Variants in SYTL4 observed in about 807,000 individuals in gnomAD.
SYTL4 encodes synaptotagmin like 4.
Under a neutral mutation model 52.7 loss-of-function variants are expected in SYTL4, and 16 were observed. The ratio of observed to expected loss-of-function variants is 0.30; its 90% CI spans 0.21 to 0.46. SYTL4 has a LOEUF of 0.46. Ranked by LOEUF, SYTL4 falls within the 20% of genes least tolerant of loss-of-function variation. The pLI is 1.00. For synonymous variants in SYTL4, 160 were observed against 186.6 expected (o/e 0.86, Z 1.16); for missense variants, 423 against 519.9 (o/e 0.81, Z 1.81).
chrX:100,707,528 T>A (rs1238685129), intron 2 of SYTL4, among the ~76,000 whole-genome samples: 1 of 111,851 alleles, frequency 8.9e-6, no homozygotes, highest in Non-Finnish European at 1.9e-5. Flanking sequence ...AGCTTTCATA[T>A]GCAATAAACC....
At position 100,703,601 on chromosome X, in the gene SYTL4, T is replaced by C. The variant is rs149944532; in HGVS notation, c.-163-416A>G. 7.6e-3 allele frequency among the ~76,000 whole-genome samples: 853 copies of C among 112,439 alleles called. 12 individuals carry two copies. Among genetic ancestry groups the C allele is most frequent in the African/African-American group, 0.026 (808 of 31,004 alleles). On this transcript the variant is annotated intron_variant, in intron 3 of 19. Coordinates refer to ENST00000372989, the MANE Select transcript of SYTL4 (RefSeq NM_001370165.1). ...CATATACTTAACCAAGCAATATGAC[T>C]TCTAAGAATTTACCTAATAGAAATA...
intron 2 of SYTL4, among the ~76,000 whole-genome samples, chrX:100,712,214 C>G (rs2084086468): frequency 8.9e-6 from 1 of 112,064 alleles, no homozygotes; most frequent in African/African-American, 3.2e-5. Flanking sequence ...ATACAGAGCA[C>G]ATGCAATGGT....
rs981407606 is a variant in SYTL4 at position 100,732,098 on chromosome X, C to G, written c.-422G>C. ...CTCCGGGAAGATCGCAACCCAGCTC[C>G]GGCAGCCGGCCCTTCTCACCCTCCC... On this transcript the variant is annotated 5_prime_UTR_variant, in exon 1 of 20. Coordinates refer to ENST00000372989, the MANE Select transcript of SYTL4 (RefSeq NM_001370165.1). 1 of 112,168 alleles carries G rather than the reference C, an allele frequency of 8.9e-6. No homozygotes were observed. The highest frequency in any genetic ancestry group is 2.8e-4 in the East Asian group (1 of 3,517). 9.2% of individuals were successfully genotyped at this position (112,168 alleles called of 1,213,427 possible). A position where few individuals can be genotyped will look rare whatever the true frequency, so the allele number is the denominator to read the frequency against.
At chrX:100,717,372 A>G (rs1243596193) in intron 2 of SYTL4, among the ~76,000 whole-genome samples, 2 of 113,181 alleles carry the variant, frequency 1.8e-5, no homozygotes, top group African/African-American at 6.4e-5. Context: ...CAGCAGTAGC[A>G]CATGAACTGA....
chrX:100,701,363 A>G, intron 6 of SYTL4, 34 bp from the exon 7 acceptor site: 6 of 1,177,686 alleles, frequency 5.1e-6, no homozygotes, highest in Non-Finnish European at 6.9e-6. Flanking sequence ...ACAGATGGAT[A>G]AAGAATGGTT....
Position 100,691,118 on chromosome X carries a change from T to A in SYTL4, c.631A>T (p.Ser211Cys). 2 of 1,202,918 alleles carry A rather than the reference T, an allele frequency of 1.7e-6. No individual in the cohort carries two copies. Among genetic ancestry groups the A allele is most frequent in the Non-Finnish European group, 1.1e-6 (1 of 889,452 alleles). The change falls in exon 9 of 20, where the codon AGC (serine) becomes TGC (cysteine). Residue 211 changes from serine to cysteine, a missense_variant. By Grantham distance (112) the Ser-to-Cys change is moderately radical (BLOSUM62 -1). Transcript: ENST00000372989. The part of the protein sequence containing the change: ...SLDSFTADSD[S>C]TSRRDSLDKS... Reference sequence around the variant, plus strand: ...TGGGGGGAACCCCACCTGGAGGTGCTATCCGAGTCAGCTGTGAAGCTATCC... The same window carrying A: ...TGGGGGGAACCCCACCTGGAGGTGCAATCCGAGTCAGCTGTGAAGCTATCC...
chrX:100,715,246 C>A (rs1388102486), intron 2 of SYTL4, among the ~76,000 whole-genome samples: 1 of 111,836 alleles, frequency 8.9e-6, no homozygotes, highest in South Asian at 3.8e-4. Flanking sequence ...TGGTCTCGAA[C>A]TCTTAGACTC....
intron 5 of SYTL4, 52 bp from the exon 6 acceptor site, chrX:100,701,725 G>A (rs1290525489): frequency 9.0e-6 from 10 of 1,106,827 alleles, no homozygotes; most frequent in Non-Finnish European, 1.2e-5. Flanking sequence ...TGCATAGATT[G>A]GATGGAGAGG....
At chrX:100,719,349 G>A (rs935763180) in intron 2 of SYTL4, among the ~76,000 whole-genome samples, 2 of 111,416 alleles carry the variant, frequency 1.8e-5, no homozygotes, top group African/African-American at 6.5e-5. Flanking sequence ...AGGCCGTCTG[G>A]TTCCAGAGTC....
At position 100,686,770 on chromosome X, in the gene SYTL4, G is replaced by A. The variant is rs905904134; in HGVS notation, c.1196C>T (p.Thr399Ile). The A allele has an allele frequency of 4.1e-6, 5 of 1,206,437 alleles. No homozygotes were observed. The African/African-American group carries it at 7.0e-5, about 17-fold the overall frequency. The change falls in exon 15 of 20, where the codon ACT becomes ATT. Residue 399 changes from threonine (T) to isoleucine (I), a missense_variant. By Grantham distance (89) the Thr-to-Ile change is moderately conservative. Coordinates refer to ENST00000372989, the MANE Select transcript of SYTL4 (RefSeq NM_001370165.1). ...GCGGGACTTGTCAGGCAGAAGGTAA[G>A]TCTTCACATATCTAGAAACCAAAGA... ...AKKRSNPYVK[T>I]YLLPDKSRQG...
intron 8 of SYTL4, among the ~76,000 whole-genome samples, chrX:100,694,900 T>C (rs2083673624): frequency 9.0e-6 from 1 of 111,731 alleles, no homozygotes; most frequent in African/African-American, 3.2e-5. Context: ...TCCTAGTACT[T>C]ACAAGAGGTG....
chrX:100,702,251 C>T (rs1172425085), intron 4 of SYTL4, 144 bp from the exon 5 acceptor site: 1 of 331,246 alleles, frequency 3.0e-6, no homozygotes, highest in Non-Finnish European at 5.2e-6. Flanking sequence ...AGTCTTCCTA[C>T]TCCCATCCGA....
chrX:100,696,887 G>GA (rs369677898), intron 8 of SYTL4, among the ~76,000 whole-genome samples: 4,455 of 106,773 alleles, frequency 0.042, 244 homozygotes, highest in African/African-American at 0.14. Context: ...AAAGTTAGGG[G>GA]AAAAAAAAAC....
At chrX:100,702,851 G>A (rs1231285237) in intron 4 of SYTL4, among the ~76,000 whole-genome samples, 2 of 111,050 alleles carry the variant, frequency 1.8e-5, no homozygotes, top group African/African-American at 6.5e-5. Flanking sequence ...GGATTATAAG[G>A]GACTATAAAT....
rs781579257 is a variant in SYTL4, at chrX:100,679,356, T to A, written c.1615A>T (p.Thr539Ser). The part of the protein sequence containing the change: ...QVWIKEAKNL[T>S]AAKAGGTSDS... ...GAAGTCCCTCCTGCTTTGGCAGCCG[T>A]CAAGTTCTTGGCTTCTTTGATCCAC... Residue 539 changes from threonine (T) to serine (S), a missense_variant, in exon 18 of 20, where the codon ACG becomes TCG. Transcript: ENST00000372989. 3.4e-5 allele frequency: 41 copies of A among 1,209,734 alleles called. No homozygotes were observed. In the Admixed American group the frequency reaches 6.1e-4, roughly 18 times the overall value.
intron 15 of SYTL4, 150 bp from the exon 16 acceptor site, chrX:100,686,301 C>T: frequency 3.8e-6 from 2 of 525,003 alleles, no homozygotes; most frequent in Non-Finnish European, 5.8e-6. Context: ...TTTCCTCACT[C>T]AAAGCCTCAA....
chrX:100,717,849 T>G (rs1205952706), intron 2 of SYTL4, among the ~76,000 whole-genome samples: 1 of 112,116 alleles, frequency 8.9e-6, no homozygotes, highest in Non-Finnish European at 1.9e-5. Flanking sequence ...AAGTACGGCC[T>G]CTTATACTAG....
chrX:100,714,210 A>G (rs73557582), intron 2 of SYTL4, among the ~76,000 whole-genome samples: 13,689 of 110,974 alleles, frequency 0.12, 1,676 homozygotes, highest in African/African-American at 0.38. Context: ...GAATACCTAC[A>G]AGACACTAGG....
At chrX:100,714,715 A>G (rs2147802325) in intron 2 of SYTL4, among the ~76,000 whole-genome samples, 1 of 112,440 alleles carries the variant, frequency 8.9e-6, no homozygotes, top group South Asian at 3.7e-4. Context: ...AAATGTTTGC[A>G]TAACTGGTGC....
Sources: allele counts gnomAD v4.1 joint callset (sites outside exome capture counted in the v4.1 genomes callset), GRCh38; gene constraint gnomAD v4.1.1; transcripts MANE v1.5; gene names NCBI Gene and HGNC (gene_info 2026-07-23, HGNC 2026-07-21).